The following NFIB variants were observed in gnomAD, a reference collection of about 807,000 sequenced individuals.
NFIB encodes nuclear factor 1 B-type.
A neutral mutation model predicts 61.5 loss-of-function variants in NFIB; 11 were observed. The ratio of observed to expected loss-of-function variants is 0.18; its 90% CI spans 0.11 to 0.30. NFIB has a LOEUF of 0.30. Among genes scored for constraint, NFIB ranks in the 10% least tolerant of loss-of-function variants. The pLI, the probability that NFIB is intolerant of heterozygous loss-of-function variation, is 1.00. For synonymous variants in NFIB, 260 were observed against 216.5 expected (o/e 1.20, Z -1.76); for missense variants, 471 against 608.9 (o/e 0.77, Z 2.38).
At chr9:14,182,683 C>CCTCTCTCTCTCTCTCTCT (rs144528136) in intron 2 of NFIB, among the ~76,000 whole-genome samples, 1 of 40,974 alleles carries the variant, frequency 2.4e-5, no homozygotes, top group African/African-American at 6.3e-5. Context: ...ACACCCCCCA[C>CCTCTCTCTCTCTCTCTCT]CTCTCTCTCT....
intron 2 of NFIB, among the ~76,000 whole-genome samples, chr9:14,224,789 A>C (rs2052159430): frequency 1.3e-5 from 2 of 152,226 alleles, no homozygotes; most frequent in African/African-American, 2.4e-5. Context: ...AATACCATGG[A>C]ACGACTGTAT....
chr9:14,446,351 T>C, the NFIB span, among the ~76,000 whole-genome samples: 1 of 152,222 alleles, frequency 6.6e-6, no homozygotes, highest in African/African-American at 2.4e-5. Context: ...CCCCTTGTCT[T>C]ATCCTTCTGG....
the NFIB span, among the ~76,000 whole-genome samples, chr9:14,499,089 T>A: frequency 0.15 from 22,840 of 151,606 alleles, 1,781 homozygotes; most frequent in Admixed American, 0.19. Flanking sequence ...TGTGTGTGTG[T>A]GAGAGAGAGA....
At chr9:14,460,020 A>G in the NFIB span, among the ~76,000 whole-genome samples, 1 of 152,184 alleles carries the variant, frequency 6.6e-6, no homozygotes, top group Non-Finnish European at 1.5e-5. Flanking sequence ...ATTACTGAGT[A>G]TATACCCAAA....
intron 2 of NFIB, among the ~76,000 whole-genome samples, chr9:14,183,553 A>G (rs1396853258): frequency 1.3e-5 from 2 of 151,896 alleles, no homozygotes; most frequent in Non-Finnish European, 2.9e-5. Flanking sequence ...ACAGGCGCAC[A>G]CCACCACACC....
At position 14,366,441 on chromosome 9, in the gene NFIB, G is replaced by A. The variant is rs577527251; in HGVS notation, c.108+32083C>T. Among the ~76,000 whole-genome samples, 7 of 152,024 alleles carry A rather than the reference G, an allele frequency of 4.6e-5. No homozygotes were observed. In the South Asian group the frequency reaches 1.5e-3, roughly 32 times the overall value. On this transcript the variant is annotated intron_variant, in intron 1 of 8. Transcript: ENST00000380934. Reference sequence around the variant, plus strand: ...TTCCTATTCCCTAGCGGATATGTGTGTCTTTCCTTTCTGTAACCTTCTGAC... The same window carrying A: ...TTCCTATTCCCTAGCGGATATGTGTATCTTTCCTTTCTGTAACCTTCTGAC...
At chr9:14,394,890 C>T (rs1306737633) in intron 1 of NFIB, among the ~76,000 whole-genome samples, 2 of 152,126 alleles carry the variant, frequency 1.3e-5, no homozygotes, top group Non-Finnish European at 2.9e-5. Flanking sequence ...TGTGTGTAAA[C>T]TCTAAAGGGC....
rs148003863 is a variant in NFIB at position 14,286,773 on chromosome 9, T to C, written c.562+20216A>G. 5.0e-4 allele frequency among the ~76,000 whole-genome samples: 75 copies of C among 151,246 alleles called. No homozygotes were observed. The East Asian group carries it at 0.012, about 23-fold the overall frequency. ...TACATAGTAGGTGCTCAGTGAATAG[T>C]TGTTGAATGAATAAGCCGCTTCACT... is the stretch of plus-strand genomic sequence containing the variant. On this transcript the variant is annotated intron_variant, in intron 2 of 10. Coordinates refer to ENST00000380953, the MANE Select transcript of NFIB (RefSeq NM_001190737.2).
At chr9:14,478,146 T>A in the NFIB span, among the ~76,000 whole-genome samples, 1 of 152,194 alleles carries the variant, frequency 6.6e-6, no homozygotes, top group African/African-American at 2.4e-5. Flanking sequence ...CACACACACC[T>A]ACATATTCAC....
intron 3 of NFIB, among the ~76,000 whole-genome samples, chr9:14,166,403 C>T (rs940333095): frequency 2.6e-5 from 4 of 151,990 alleles, no homozygotes; most frequent in African/African-American, 9.7e-5. Flanking sequence ...ATGTTTTTTC[C>T]ATCACAATTT....
chr9:14,322,458 T>TTGGCCTGGCCCGCGGCGGGGC (rs2060685810), intron 1 of NFIB: 3 of 230,580 alleles, frequency 1.3e-5, no homozygotes, highest in African/African-American at 6.6e-5. Flanking sequence ...CGCCCTCGGA[T>TTGGCCTGGCCCGCGGCGGGGC]TGGCCTGGCC....
rs190893681 is a variant in NFIB at position 14,159,082 on chromosome 9, G to C, written c.617-3189C>G. ...GTCATGACCATTAAGATGGAGTGGG[G>C]TGTGAGCCTGTTGGAAGCCAAATCA... On this transcript the variant is annotated intron_variant, in intron 3 of 10. Transcript: ENST00000380953. 9.5e-4 allele frequency among the ~76,000 whole-genome samples: 144 copies of C among 152,312 alleles called. 1 individual carries two copies. The highest frequency in any genetic ancestry group is 2.2e-3 in the Admixed American group (34 of 15,294).
intron 3 of NFIB, among the ~76,000 whole-genome samples, chr9:14,173,383 C>A (rs2045790899): frequency 6.6e-6 from 1 of 152,036 alleles, no homozygotes; most frequent in African/African-American, 2.4e-5. Flanking sequence ...AGACCTGCAT[C>A]GTAACACTAA....
At chr9:14,357,006 G>C (rs1052708746) in intron 1 of NFIB, 8 of 152,228 alleles carry the variant, frequency 5.3e-5, no homozygotes, top group African/African-American at 1.9e-4. Flanking sequence ...GCTAACTGAA[G>C]AGTGTAAATT....
At chr9:14,246,126 G>C (rs750497524) in intron 2 of NFIB, among the ~76,000 whole-genome samples, 1 of 151,382 alleles carries the variant, frequency 6.6e-6, no homozygotes, top group Non-Finnish European at 1.5e-5. Flanking sequence ...GCGTGGGTTA[G>C]ACTCTAAGCT....
rs561358920 is a variant in NFIB at position 14,286,293 on chromosome 9, C to T, written c.562+20696G>A. The stretch of plus-strand genomic sequence containing the variant: ...TGAATGGGAGGGTGCTAGGGCCACT[C>T]AGAACCCAATGCAATTGCTCCAGTT... On this transcript the variant is annotated intron_variant, in intron 2 of 10. Coordinates refer to ENST00000380953, the MANE Select transcript of NFIB (RefSeq NM_001190737.2). Among the ~76,000 whole-genome samples, 9 of 152,290 alleles carry T rather than the reference C, an allele frequency of 5.9e-5. No homozygotes were observed. In the South Asian group the frequency reaches 1.9e-3, roughly 32 times the overall value.
the NFIB span, chr9:14,531,927 T>A: frequency 6.6e-6 from 1 of 151,780 alleles, no homozygotes. Flanking sequence ...GTGAAAAAAA[T>A]GTTATTACGC....
At chr9:14,097,694 C>T (rs544816433) in intron 10 of NFIB, among the ~76,000 whole-genome samples, 1 of 151,876 alleles carries the variant, frequency 6.6e-6, no homozygotes, top group African/African-American at 2.4e-5. Context: ...TGGTTTGCAA[C>T]CCATTATTGA....
chr9:14,191,195 G>A (rs2047912572), intron 2 of NFIB, among the ~76,000 whole-genome samples: 2 of 152,086 alleles, frequency 1.3e-5, no homozygotes, highest in South Asian at 2.1e-4. Flanking sequence ...GGGCATAGCG[G>A]TGGGTGCCTA....
Sources: allele counts gnomAD v4.1 joint callset (sites outside exome capture counted in the v4.1 genomes callset), GRCh38; gene constraint gnomAD v4.1.1; transcripts MANE v1.5; gene names NCBI Gene and HGNC (gene_info 2026-07-23, HGNC 2026-07-21).